The following NPSR1 variants were observed in gnomAD, a reference collection of about 807,000 sequenced individuals.
NPSR1 encodes the protein neuropeptide S receptor 1.
In NPSR1, 48 loss-of-function variants were observed where a neutral mutation model predicts 46.9. The ratio of observed to expected loss-of-function variants is 1.02; its 90% CI spans 0.81 to 1.30. NPSR1 has a LOEUF of 1.30. Ranked by LOEUF, NPSR1 falls within the 50% of genes most tolerant of loss-of-function variation. The pLI, the probability that NPSR1 is intolerant of heterozygous loss-of-function variation, is 0.00. For synonymous variants in NPSR1, 176 were observed against 168.1 expected (o/e 1.05, Z -0.36); for missense variants, 450 against 449.5 (o/e 1.00, Z -0.01).
intron 4 of NPSR1, among the ~76,000 whole-genome samples, chr7:34,820,484 C>T (rs989749256): frequency 3.3e-5 from 5 of 151,896 alleles, no homozygotes; most frequent in African/African-American, 9.7e-5. Context: ...AGAGACATTT[C>T]GTGACATAGG....
downstream of NPSR1, among the ~76,000 whole-genome samples, chr7:34,853,606 C>G (rs1009014533): frequency 2.6e-5 from 4 of 152,138 alleles, no homozygotes; most frequent in Non-Finnish European, 4.4e-5. Flanking sequence ...ATCAGCTGGT[C>G]TCATGGTTTT....
intron 1 of NPSR1, among the ~76,000 whole-genome samples, chr7:34,672,410 G>C (rs1792103908): frequency 6.6e-6 from 1 of 152,198 alleles, no homozygotes. Flanking sequence ...TGGCATTTCT[G>C]TTTCTGGTGA....
chr7:34,861,034 G>C (rs1321814828), intron 8 of NPSR1, among the ~76,000 whole-genome samples: 3 of 151,896 alleles, frequency 2.0e-5, no homozygotes, highest in African/African-American at 7.3e-5. Flanking sequence ...TGCAGAGCTG[G>C]TGAAAGCGCT....
In NPSR1 at chr7:34,827,551, A is replaced by C; in HGVS notation, c.629A>C (p.Tyr210Ser). The C allele has an allele frequency of 6.4e-7, 1 of 1,569,560 alleles. No homozygotes were observed. The highest frequency in any genetic ancestry group is 8.7e-7 in the Non-Finnish European group (1 of 1,153,502). ...LWPDDSYWTP[Y>S]MTIVAFLVYF... is the part of the protein sequence containing the mutation. Reference sequence around the variant, plus strand: ...CCTGACGACTCCTACTGGACCCCATACATGACCATCGTGGCCTTCCTGGTG... The same window carrying C: ...CCTGACGACTCCTACTGGACCCCATCCATGACCATCGTGGCCTTCCTGGTG... The change falls in exon 5 of 9, where the codon TAC becomes TCC. Residue 210 changes from tyrosine (Y) to serine (S), a missense_variant. Physicochemically the swap from Tyr to Ser is moderately radical, Grantham distance 144. Transcript: ENST00000360581.
intron 2 of NPSR1, among the ~76,000 whole-genome samples, chr7:34,705,079 C>T (rs6955252): frequency 0.41 from 62,021 of 151,838 alleles, 13,249 homozygotes; most frequent in African/African-American, 0.53. Flanking sequence ...TTTTTATATA[C>T]ATATTTTTTG....
At chr7:34,787,929 A>T (rs182841135) in intron 3 of NPSR1, among the ~76,000 whole-genome samples, 41 of 152,206 alleles carry the variant, frequency 2.7e-4, no homozygotes, top group African/African-American at 7.9e-4. Flanking sequence ...AATAACCAAA[A>T]TATGACACAG....
At chr7:34,796,457 T>C (rs1788176634) in intron 3 of NPSR1, among the ~76,000 whole-genome samples, 1 of 152,168 alleles carries the variant, frequency 6.6e-6, no homozygotes, top group African/African-American at 2.4e-5. Flanking sequence ...ATTCAAAATA[T>C]GCAGAAGAGC....
At chr7:34,685,167 G>C (rs1393140744) in intron 2 of NPSR1, among the ~76,000 whole-genome samples, 1 of 152,208 alleles carries the variant, frequency 6.6e-6, no homozygotes, top group Non-Finnish European at 1.5e-5. Context: ...GTAGTATAAT[G>C]AAGTAATATA....
At chr7:34,707,120 T>C (rs1171037119) in intron 2 of NPSR1, among the ~76,000 whole-genome samples, 1 of 152,242 alleles carries the variant, frequency 6.6e-6, no homozygotes, top group African/African-American at 2.4e-5. Flanking sequence ...ATGCCTTTGC[T>C]TCAGAGCACA....
intron 2 of NPSR1, chr7:34,751,264 T>C (rs1291897200): frequency 2.0e-6 from 2 of 980,366 alleles, no homozygotes; most frequent in African/African-American, 3.2e-5. Flanking sequence ...AAGTGGAGAC[T>C]TTTCTAGCAT....
chr7:34,840,923 C>A (rs1314969466), intron 6 of NPSR1, among the ~76,000 whole-genome samples: 2 of 152,106 alleles, frequency 1.3e-5, no homozygotes, highest in Admixed American at 1.3e-4. Flanking sequence ...TGACTGCAGT[C>A]CTGCAGCTAA....
chr7:34,812,577 C>T lies in NPSR1; in HGVS notation c.478+714C>T, dbSNP rs325466. On this transcript the variant is annotated intron_variant, in intron 4 of 8. Coordinates refer to ENST00000360581, the MANE Select transcript of NPSR1 (RefSeq NM_207172.2). ...ACAGAGGATTAATCACAGCAAGTTT[C>T]CCTGGATTTGAAGAGGCAGAGAGGG... Among the ~76,000 whole-genome samples the T allele has an allele frequency of 6.2e-3, 941 of 152,232 alleles. 5 individuals carry two copies. Among genetic ancestry groups the T allele is most frequent in the African/African-American group, 0.022 (902 of 41,536 alleles).
chr7:34,779,684 G>A (rs878896195), intron 3 of NPSR1: 3 of 719,574 alleles, frequency 4.2e-6, no homozygotes, highest in South Asian at 7.0e-5. Flanking sequence ...TTTTCTCAGG[G>A]GAAATTTTTA....
chr7:34,719,950 C>CT (rs1562676281), intron 2 of NPSR1: 1 of 151,900 alleles, frequency 6.6e-6, no homozygotes, highest in Non-Finnish European at 1.5e-5. Context: ...AGGAGCCCTC[C>CT]ATGCCCATGC....
Position 34,683,544 on chromosome 7 carries a change from T to G in NPSR1, c.148-1008T>G, listed in dbSNP as rs570139605. On this transcript the variant is annotated intron_variant, in intron 1 of 8. Transcript: ENST00000360581. ...TAATCATTTATCTTAATCTGTTTCA[T>G]GCTGCTATGACAGAATACCCAAGAC... Among the ~76,000 whole-genome samples, 4 of 152,302 alleles carry G rather than the reference T, an allele frequency of 2.6e-5. No homozygotes were observed. The East Asian group carries it at 7.7e-4, about 29-fold the overall frequency.
intron 3 of NPSR1, among the ~76,000 whole-genome samples, chr7:34,784,633 GTCTAAAATTC>G (rs1425570312): frequency 1.3e-5 from 2 of 148,996 alleles, no homozygotes; most frequent in Non-Finnish European, 2.9e-5. Flanking sequence ...AAGGATATTG[GTCTAAAATTC>G]TCTTTTTTTT....
chr7:34,795,571 T>A (rs1434324349), intron 3 of NPSR1, among the ~76,000 whole-genome samples: 1 of 152,060 alleles, frequency 6.6e-6, no homozygotes, highest in Non-Finnish European at 1.5e-5. Flanking sequence ...GATTACAGAA[T>A]ATGTTAATAT....
chr7:34,768,441 C>A (rs1786530678), intron 2 of NPSR1: 1 of 151,940 alleles, frequency 6.6e-6, no homozygotes, highest in Admixed American at 6.6e-5. Flanking sequence ...GTGAAGAACT[C>A]TGAAAATAGT....
chr7:34,726,660 A>G (rs1400555004), intron 2 of NPSR1, among the ~76,000 whole-genome samples: 1 of 152,222 alleles, frequency 6.6e-6, no homozygotes, highest in African/African-American at 2.4e-5. Flanking sequence ...CATCCAGACA[A>G]TGGAATATTA....
Sources: allele counts gnomAD v4.1 joint callset (sites outside exome capture counted in the v4.1 genomes callset), GRCh38; gene constraint gnomAD v4.1.1; transcripts MANE v1.5; gene names NCBI Gene and HGNC (gene_info 2026-07-23, HGNC 2026-07-21).